The following SLC16A12 variants were observed in gnomAD, a reference collection of about 807,000 sequenced individuals.
The protein encoded by SLC16A12 is monocarboxylate transporter 12.
Under a neutral mutation model 42.4 loss-of-function variants are expected in SLC16A12, and 17 were observed. The observed-to-expected ratio is 0.40, with a 90% confidence interval of 0.27 to 0.60. The LOEUF is 0.60. Among genes scored for constraint, SLC16A12 ranks in the 20% least tolerant of loss-of-function variants. SLC16A12 has a pLI of 0.42. For missense variants in SLC16A12, 544 were observed against 623.0 expected, an observed-to-expected ratio of 0.87 and a Z score of 1.35; for synonymous variants, 224 against 229.4, an observed-to-expected ratio of 0.98 and a Z score of 0.21.
rs1191942419 is a variant in SLC16A12, at chr10:89,468,505, G to A, written c.-46-5881C>T. On this transcript the variant is annotated intron_variant, in intron 2 of 7. Coordinates refer to ENST00000371790, the MANE Select transcript of SLC16A12 (RefSeq NM_213606.4). ...CTGAGATTTCAAAATTGTTATTGGC[G>A]TTTCTGTCAACAAGATGTCCAAGCA... Among the ~76,000 whole-genome samples the A allele has an allele frequency of 2.6e-5, 4 of 152,236 alleles. No homozygotes were observed. In the South Asian group the frequency reaches 8.3e-4, roughly 32 times the overall value.
intron 2 of SLC16A12, among the ~76,000 whole-genome samples, chr10:89,492,410 T>C (rs1004996619): frequency 6.6e-6 from 1 of 151,954 alleles, no homozygotes; most frequent in African/African-American, 2.4e-5. Flanking sequence ...AACTCACCTA[T>C]GCTTAAAAGG....
intron 5 of SLC16A12, 93 bp from the exon 6 acceptor site, chr10:89,439,276 C>G: frequency 7.6e-7 from 1 of 1,309,580 alleles, no homozygotes; most frequent in East Asian, 2.4e-5. Context: ...AGAATCTGAC[C>G]TCTCATTAAA....
At chr10:89,448,854 AACCCCATCGTC>A (rs1842045771) in intron 3 of SLC16A12, among the ~76,000 whole-genome samples, 1 of 152,230 alleles carries the variant, frequency 6.6e-6, no homozygotes, top group South Asian at 2.1e-4. Context: ...ATATTTAGAA[AACCCCATCGTC>A]TCAGCCCAAA....
intron 3 of SLC16A12, among the ~76,000 whole-genome samples, chr10:89,451,468 A>G (rs1161691552): frequency 1.3e-5 from 2 of 151,936 alleles, no homozygotes; most frequent in Non-Finnish European, 2.9e-5. Flanking sequence ...CTGGAGTGCA[A>G]TGATGCAATC....
At chr10:89,494,122 C>A (rs762601003) in intron 2 of SLC16A12, among the ~76,000 whole-genome samples, 3 of 152,116 alleles carry the variant, frequency 2.0e-5, no homozygotes, top group African/African-American at 7.2e-5. Flanking sequence ...TTATCTAACA[C>A]GAAAGTGTCA....
chr10:89,502,008 T>C (rs531500703), intron 2 of SLC16A12, among the ~76,000 whole-genome samples: 3 of 152,164 alleles, frequency 2.0e-5, no homozygotes, highest in Admixed American at 6.5e-5. Flanking sequence ...GTCTCATGAA[T>C]TGAAGACAAT....
chr10:89,520,211 G>T (rs767172259), intron 2 of SLC16A12, among the ~76,000 whole-genome samples: 1 of 151,992 alleles, frequency 6.6e-6, no homozygotes, highest in South Asian at 2.1e-4. Flanking sequence ...AAACAATCAG[G>T]CTATCTATAT....
intron 2 of SLC16A12, chr10:89,462,934 T>G (rs1228079535): frequency 4.7e-6 from 1 of 211,542 alleles, no homozygotes; most frequent in East Asian, 1.3e-4. Context: ...AGAAGTCATG[T>G]GTGCCACTTC....
At chr10:89,509,541 C>T (rs528267075) in intron 2 of SLC16A12, among the ~76,000 whole-genome samples, 1 of 152,258 alleles carries the variant, frequency 6.6e-6, no homozygotes, top group South Asian at 2.1e-4. Context: ...AATTTAGCAG[C>T]TCTTCATGCT....
chr10:89,503,613 T>C (rs1223584867), intron 2 of SLC16A12, among the ~76,000 whole-genome samples: 3 of 152,226 alleles, frequency 2.0e-5, no homozygotes, highest in East Asian at 3.9e-4. Context: ...TGTGGACAGG[T>C]AAGTCAGAAG....
intron 5 of SLC16A12, among the ~76,000 whole-genome samples, chr10:89,439,557 G>A (rs554310014): frequency 2.0e-5 from 3 of 152,144 alleles, no homozygotes; most frequent in African/African-American, 4.8e-5. Context: ...TTCCCTAAAC[G>A]CTTCACTGCC....
chr10:89,449,619 C>G (rs1321571079), intron 3 of SLC16A12, among the ~76,000 whole-genome samples: 1 of 152,110 alleles, frequency 6.6e-6, no homozygotes, highest in Non-Finnish European at 1.5e-5. Context: ...AAGATAGATT[C>G]AAGACTTAAA....
chr10:89,433,430 C>T (rs1841725284), intron 7 of SLC16A12, 104 bp from the exon 8 acceptor site: 1 of 1,180,914 alleles, frequency 8.5e-7, no homozygotes, highest in Admixed American at 2.0e-5. Flanking sequence ...ATCGATAGCA[C>T]CACCAATTGT....
At position 89,535,536 on chromosome 10, in the gene SLC16A12, G is replaced by C. The variant is rs963817472; in HGVS notation, c.-281C>G. On this transcript the variant is annotated 5_prime_UTR_variant, in exon 1 of 8. Coordinates refer to ENST00000371790, the MANE Select transcript of SLC16A12 (RefSeq NM_213606.4). The stretch of plus-strand genomic sequence containing the variant: ...GCCAGGGCGCTGGGGATCCGGGAGC[G>C]GGGGCCGCCGGCGAGACTGAGCCCG... 1 of 153,060 alleles carries C rather than the reference G, an allele frequency of 6.5e-6. No individual in the cohort carries two copies. The highest frequency in any genetic ancestry group is 2.4e-5 in the African/African-American group (1 of 41,476). 9.5% of individuals were successfully genotyped at this position (153,060 alleles called of 1,614,324 possible).
intron 2 of SLC16A12, among the ~76,000 whole-genome samples, chr10:89,555,678 C>CATATATATACA (rs1564607565): frequency 7.8e-6 from 1 of 128,258 alleles, no homozygotes; most frequent in African/African-American, 3.0e-5. Flanking sequence ...CACATATATA[C>CATATATATACA]GTATATACAC....
intron 2 of SLC16A12, among the ~76,000 whole-genome samples, chr10:89,548,186 T>C (rs1352524715): frequency 2.0e-5 from 3 of 152,030 alleles, no homozygotes; most frequent in Non-Finnish European, 2.9e-5. Context: ...TTGATGAGAA[T>C]GGAGAAAATC....
In SLC16A12 at chr10:89,436,282, C is replaced by G; in HGVS notation, c.1066G>C (p.Ala356Pro). The change falls in exon 7 of 8, where the codon GCC becomes CCC. Residue 356 changes from alanine (A) to proline (P), a missense_variant. Physicochemically the swap from Ala to Pro is conservative, Grantham distance 27. Transcript: ENST00000371790. ...KNYQYVCYLF[A>P]VGMDGLCYLC... ...TAGCAGAGCCCATCCATTCCCACGG[C>G]AAAGAGGTAGCAAACATACTGGTAA... 1.9e-6 allele frequency: 3 copies of G among 1,614,004 alleles called. No homozygotes were observed. The highest frequency in any genetic ancestry group is 2.5e-6 in the Non-Finnish European group (3 of 1,179,962).
At chr10:89,460,372 G>A (rs1009539800) in intron 3 of SLC16A12, among the ~76,000 whole-genome samples, 1 of 152,090 alleles carries the variant, frequency 6.6e-6, no homozygotes, top group African/African-American at 2.4e-5. Context: ...TCAGTGATGA[G>A]AAGTCACAAT....
At chr10:89,470,031 T>G (rs1156647260) in intron 2 of SLC16A12, among the ~76,000 whole-genome samples, 1 of 152,226 alleles carries the variant, frequency 6.6e-6, no homozygotes, top group African/African-American at 2.4e-5. Flanking sequence ...TAAGAAATCT[T>G]CTGGTGTATT....
Sources: gnomAD v4.1 joint callset for allele counts (sites outside exome capture counted in the v4.1 genomes callset) on GRCh38, gnomAD v4.1.1 for gene constraint, MANE v1.5 for transcripts, NCBI Gene and HGNC (gene_info 2026-07-23, HGNC 2026-07-21) for gene names.